The following LMNA variants were observed in gnomAD, a reference collection of about 807,000 sequenced individuals.
LMNA encodes lamin.
LMNA carries 20 observed loss-of-function variants against 70.4 expected under a neutral mutation model. That is an observed-to-expected ratio of 0.28 (90% CI 0.20 to 0.41). The LOEUF is 0.41. LMNA is among the 10% of genes least tolerant of loss of function. LMNA has a pLI of 1.00. For synonymous variants in LMNA, 339 were observed against 372.8 expected (o/e 0.91, Z 1.04); for missense variants, 652 against 917.2 (o/e 0.71, Z 3.73).
rs1434310498 is a variant in LMNA at position 156,136,573 on chromosome 1, A to G, written c.1380+137A>G. 1.1e-6 allele frequency: 1 copy of G among 932,046 alleles called. No individual in the cohort carries two copies. The highest frequency in any genetic ancestry group is 2.6e-5 in the East Asian group (1 of 38,180). The allele number at this position is 932,046 out of a possible 1,614,324, so 57.7% of individuals were successfully genotyped here. On this transcript the variant is annotated intron_variant, in intron 7 of 11. Coordinates refer to ENST00000368300, the MANE Select transcript of LMNA (RefSeq NM_170707.4). This position sits in a 1 kb window ranked among gnomAD's most constrained non-coding sequence, Gnocchi z 6.1. ...GGGTGAGCCTGTATATCTCCTCCAC[A>G]CTCTGGTTCCAGGCCTGGCTCCTGG... is the stretch of plus-strand genomic sequence containing the variant.
chr1:156,110,469 A>T (rs1353984834), upstream of LMNA, among the ~76,000 whole-genome samples: 1 of 152,258 alleles, frequency 6.6e-6, no homozygotes, highest in Non-Finnish European at 1.5e-5. Flanking sequence ...CATTTTACAG[A>T]TGATGAAACT....
At chr1:156,126,270 T>C in intron 1 of LMNA, 1 of 1,402,608 alleles carries the variant, frequency 7.1e-7, no homozygotes, top group Non-Finnish European at 9.5e-7. Flanking sequence ...CCTGCAGGGC[T>C]GGGCCAGCTC....
At chr1:156,127,662 G>A (rs1252400564) in intron 1 of LMNA, among the ~76,000 whole-genome samples, 2 of 149,760 alleles carry the variant, frequency 1.3e-5, no homozygotes, top group African/African-American at 2.5e-5. Flanking sequence ...GGGACTACAG[G>A]TGCACACCAC....
rs567223326 is a variant in LMNA, at chr1:156,138,795, G to A, written c.1968+38G>A. Reference sequence around the variant, plus strand: ...TGCTTTGTCTCCAAATCCTGCAGGCGGGTCCCTGGTCATCGAGGGGTAGGA... The same window carrying A: ...TGCTTTGTCTCCAAATCCTGCAGGCAGGTCCCTGGTCATCGAGGGGTAGGA... On this transcript the variant is annotated intron_variant, in intron 11 of 11. Coordinates refer to ENST00000368300, the MANE Select transcript of LMNA (RefSeq NM_170707.4). The surrounding 1 kb of genome is among the most constrained non-coding windows in gnomAD (Gnocchi z 5.5). 1.6e-5 allele frequency: 26 copies of A among 1,612,772 alleles called. No homozygotes were observed. Among genetic ancestry groups the A allele is most frequent in the Middle Eastern group, 3.4e-4 (2 of 5,946 alleles).
chr1:156,097,952 C>CGT (rs113207741), intron 3 of LMNA, among the ~76,000 whole-genome samples: 3,152 of 151,118 alleles, frequency 0.021, 71 homozygotes, highest in African/African-American at 0.055. Context: ...TGTGTGCGTG[C>CGT]GTGTGTGTGT....
intron 2 of LMNA, among the ~76,000 whole-genome samples, chr1:156,086,882 G>A (rs1572307848): frequency 1.3e-5 from 2 of 152,028 alleles, no homozygotes; most frequent in South Asian, 2.1e-4. Flanking sequence ...CAGGTGATCC[G>A]CCCCCACCTT....
In LMNA at chr1:156,130,870, C is replaced by A. The variant is rs906482061; in HGVS notation, c.513+97C>A. On this transcript the variant is annotated intron_variant, in intron 2 of 11. Coordinates refer to ENST00000368300, the MANE Select transcript of LMNA (RefSeq NM_170707.4). Reference sequence around the variant, plus strand: ...TCCCCCATGTGGTGCCTGGTCTGACCTGTCACCTGATTTCAGAGCCATTCA... The same window carrying A: ...TCCCCCATGTGGTGCCTGGTCTGACATGTCACCTGATTTCAGAGCCATTCA... 1.5e-5 allele frequency: 18 copies of A among 1,205,750 alleles called. No individual in the cohort carries two copies. In the African/African-American group the frequency reaches 2.3e-4, roughly 15 times the overall value. The allele number at this position is 1,205,750 out of a possible 1,614,324, so 74.7% of individuals were successfully genotyped here.
At chr1:156,093,248 C>A (rs1422054208) in intron 3 of LMNA, among the ~76,000 whole-genome samples, 1 of 151,568 alleles carries the variant, frequency 6.6e-6, no homozygotes, top group Non-Finnish European at 1.5e-5. Context: ...ATTCCCTGAC[C>A]CTTCACCTGG....
rs945670709 is a variant in LMNA, at chr1:156,134,098, C to T, written c.514-305C>T. On this transcript the variant is annotated intron_variant, in intron 2 of 11. Coordinates refer to ENST00000368300, the MANE Select transcript of LMNA (RefSeq NM_170707.4). The surrounding 1 kb of genome is among the most constrained non-coding windows in gnomAD (Gnocchi z 5.3). ...GTAGTGCGATCTCGGCTCACTGCAA[C>T]CTCCACCTCCTGGATTCAAGCGATT... Among the ~76,000 whole-genome samples, 3 of 152,148 alleles carry T rather than the reference C, an allele frequency of 2.0e-5. No individual in the cohort carries two copies. The highest frequency in any genetic ancestry group is 2.0e-4 in the Admixed American group (3 of 15,268).
chr1:156,097,816 C>G (rs1178581989), intron 3 of LMNA, among the ~76,000 whole-genome samples: 1 of 152,356 alleles, frequency 6.6e-6, no homozygotes, highest in East Asian at 1.9e-4. Flanking sequence ...ACCTGGGCAG[C>G]CAGCCTACCT....
intron 2 of LMNA, among the ~76,000 whole-genome samples, chr1:156,132,503 TAATA>T (rs1318684395): frequency 6.6e-6 from 1 of 151,964 alleles, no homozygotes; most frequent in African/African-American, 2.4e-5. Context: ...TAAAAATAAA[TAATA>T]AATAAAAGCT....
At chr1:156,093,966 C>T (rs538826038) in intron 3 of LMNA, among the ~76,000 whole-genome samples, 2 of 152,260 alleles carry the variant, frequency 1.3e-5, no homozygotes, top group South Asian at 4.1e-4. Flanking sequence ...TACACCTGGG[C>T]CCTCGCAGCC....
rs1651958671 is a variant in LMNA, at chr1:156,139,795, G to A, written c.*689G>A. The A allele has an allele frequency of 6.5e-7, 1 of 1,533,748 alleles. No individual in the cohort carries two copies. The highest frequency in any genetic ancestry group is 2.0e-5 in the Admixed American group (1 of 50,872). On this transcript the variant is annotated 3_prime_UTR_variant, in exon 12 of 12. Coordinates refer to ENST00000368300, the MANE Select transcript of LMNA (RefSeq NM_170707.4). ...ACAAGAGATGGGAATGAGGTGGGAG[G>A]TGGAAGAAGGGAGAAGAAAGGTGAG...
In LMNA at chr1:156,129,703, G is replaced by A. The variant is rs1335908266; in HGVS notation, c.357-914G>A. On this transcript the variant is annotated intron_variant, in intron 1 of 11. Coordinates refer to ENST00000368300, the MANE Select transcript of LMNA (RefSeq NM_170707.4). ...TTCTCTGGAGGTTTTTAAGAAAATA[G>A]GACCTTTCTATTTCTCCAGTCCACT... 2.0e-5 allele frequency: 12 copies of A among 613,336 alleles called. No homozygotes were observed. The South Asian group carries it at 2.0e-4, about 10-fold the overall frequency. The allele number at this position is 613,336 out of a possible 1,614,324, so 38.0% of individuals were successfully genotyped here.
intron 1 of LMNA, among the ~76,000 whole-genome samples, chr1:156,121,777 C>T (rs933448355): frequency 6.6e-6 from 1 of 152,126 alleles, no homozygotes; most frequent in African/African-American, 2.4e-5. Flanking sequence ...TTCTCACCTC[C>T]TTGGGGTCCC....
At chr1:156,129,743 G>T in intron 1 of LMNA, 1 of 662,120 alleles carries the variant, frequency 1.5e-6, no homozygotes, top group South Asian at 1.6e-5. Context: ...AAAATAATCA[G>T]GGGCCCAGAA....
intron 3 of LMNA, among the ~76,000 whole-genome samples, chr1:156,104,230 G>T (rs1011070140): frequency 6.6e-6 from 1 of 152,224 alleles, no homozygotes; most frequent in Admixed American, 6.5e-5. Flanking sequence ...CTCCCAGCTC[G>T]GGTGGGGAGC....
At chr1:156,092,076 C>T (rs1436144684) in intron 3 of LMNA, among the ~76,000 whole-genome samples, 1 of 151,956 alleles carries the variant, frequency 6.6e-6, no homozygotes, top group Non-Finnish European at 1.5e-5. Flanking sequence ...CATCACCACA[C>T]CGGGCAAATT....
intron 1 of LMNA, among the ~76,000 whole-genome samples, chr1:156,127,686 A>AT (rs34481489): frequency 2.3e-3 from 287 of 125,804 alleles, no homozygotes; most frequent in Middle Eastern, 7.9e-3. Flanking sequence ...ACCCAGCTAA[A>AT]TTTTTTTTTT....
Sources: allele counts gnomAD v4.1 joint callset (sites outside exome capture counted in the v4.1 genomes callset), GRCh38; gene constraint gnomAD v4.1.1; non-coding constraint Gnocchi (gnomAD v3.1); transcripts MANE v1.5; gene names NCBI Gene and HGNC (gene_info 2026-07-23, HGNC 2026-07-21).